The following TBC1D4 variants were observed in gnomAD, a reference collection of about 807,000 sequenced individuals.
The protein encoded by TBC1D4 is TBC1 domain family member 4.
Under a neutral mutation model 142.5 loss-of-function variants are expected in TBC1D4, and 121 were observed. The observed-to-expected ratio is 0.85, with a 90% CI of 0.73 to 0.99. TBC1D4 has a LOEUF of 0.99. Among genes scored for constraint, TBC1D4 ranks in the 50% least tolerant of loss-of-function variants. The pLI is 0.00. For missense variants in TBC1D4, 1,475 were observed against 1,606.6 expected, an observed-to-expected ratio of 0.92 and a Z score of 1.40; for synonymous variants, 630 against 628.2, an observed-to-expected ratio of 1.00 and a Z score of -0.04.
At position 75,400,080 on chromosome 13, in the gene TBC1D4, C is replaced by T. The variant is rs564886224; in HGVS notation, c.499-37473G>A. ...TGTGGAGTACAGATGAGCCATCCATCAAGCCCTGCCCAAATTGCAAAATAG... is the reference window on the plus strand; with the variant it reads ...TGTGGAGTACAGATGAGCCATCCATTAAGCCCTGCCCAAATTGCAAAATAG... On this transcript the variant is annotated intron_variant, in intron 1 of 20. Coordinates refer to ENST00000377636, the MANE Select transcript of TBC1D4 (RefSeq NM_014832.5). Among the ~76,000 whole-genome samples the T allele has an allele frequency of 8.5e-5, 13 of 152,342 alleles. No individual in the cohort carries two copies. The South Asian group carries it at 2.5e-3, about 29-fold the overall frequency.
Position 75,347,878 on chromosome 13 carries a change from G to A in TBC1D4, c.1408+1292C>T, listed in dbSNP as rs147247072. Among the ~76,000 whole-genome samples the A allele has an allele frequency of 4.3e-3, 661 of 152,326 alleles. 6 individuals carry two copies. Among genetic ancestry groups the A allele is most frequent in the African/African-American group, 0.015 (633 of 41,582 alleles). ...TGGCTGGGCACAGTGGCTCATGCCT[G>A]TAATCTCAGCACTTTGGGAGGCCAG... is the stretch of plus-strand genomic sequence containing the variant. On this transcript the variant is annotated intron_variant, in intron 5 of 20. Transcript: ENST00000377636.
intron 8 of TBC1D4, among the ~76,000 whole-genome samples, chr13:75,332,857 A>G (rs551861816): frequency 3.3e-5 from 5 of 152,366 alleles, no homozygotes; most frequent in South Asian, 2.1e-4. Flanking sequence ...ATTTTGAGCC[A>G]TAACAAAGAA....
chr13:75,371,924 TA>T (rs1883245082), intron 1 of TBC1D4, among the ~76,000 whole-genome samples: 1 of 152,228 alleles, frequency 6.6e-6, no homozygotes, highest in South Asian at 2.1e-4. Context: ...ACTTTGATTT[TA>T]AAATATTTGT....
intron 1 of TBC1D4, among the ~76,000 whole-genome samples, chr13:75,401,053 A>G (rs936558883): frequency 2.8e-4 from 42 of 152,196 alleles, no homozygotes; most frequent in African/African-American, 9.9e-4. Context: ...ACATAATATT[A>G]GTGTTAGACC....
chr13:75,438,802 C>T (rs535063331), intron 1 of TBC1D4, among the ~76,000 whole-genome samples: 1 of 152,130 alleles, frequency 6.6e-6, no homozygotes, highest in East Asian at 1.9e-4. Context: ...CCAACAGATA[C>T]GTATCTATGT....
Position 75,359,824 on chromosome 13 carries a change from T to C in TBC1D4, c.1115A>G (p.Asp372Gly). 6.2e-7 allele frequency: 1 copy of C among 1,613,712 alleles called. No individual in the cohort carries two copies. Among genetic ancestry groups the C allele is most frequent in the Non-Finnish European group, 8.5e-7 (1 of 1,179,782 alleles). Residue 372 changes from aspartate to glycine, a missense_variant, in exon 3 of 21, where the codon GAC (aspartate) becomes GGC (glycine). This residue lies in a region of TBC1D4 where 1,227 missense variants were observed against 1,267.7 expected (regional missense o/e 0.97). Coordinates refer to ENST00000377636, the MANE Select transcript of TBC1D4 (RefSeq NM_014832.5). ...GRFEINLISPDTKSVVLEKNF... is the reference protein window; with the variant it reads ...GRFEINLISPGTKSVVLEKNF... ...CTTTTCTAGCACAACTGATTTAGTG[T>C]CTGGACTGATAAGGTTAATCTCAAA...
rs1054377240 is a variant in TBC1D4, at chr13:75,289,013, T to A, written c.3584A>T (p.Asp1195Val). 10 of 1,613,816 alleles carry A rather than the reference T, an allele frequency of 6.2e-6. No individual in the cohort carries two copies. The highest frequency in any genetic ancestry group is 2.7e-5 in the African/African-American group (2 of 74,882). The change falls in exon 20 of 21, where the codon GAT (aspartate) becomes GTT (valine). Residue 1195 changes from aspartate to valine, a missense_variant. This residue lies in a region of TBC1D4 where 248 missense variants were observed against 338.9 expected (regional missense o/e 0.73). Transcript: ENST00000377636. ...ELQESSYSCEDSETLEKLERA... is the reference protein window; with the variant it reads ...ELQESSYSCEVSETLEKLERA... ...CTCCAGCTTCTCCAAAGTTTCACTA[T>A]CCTCACAGGAATATGAAGATTCCTG...
At chr13:75,371,395 G>C (rs1228113159) in intron 1 of TBC1D4, among the ~76,000 whole-genome samples, 1 of 152,194 alleles carries the variant, frequency 6.6e-6, no homozygotes, top group Non-Finnish European at 1.5e-5. Flanking sequence ...GCCCAAGGAA[G>C]AGGTTGAACT....
At chr13:75,399,885 GA>G (rs1884995814) in intron 1 of TBC1D4, among the ~76,000 whole-genome samples, 2 of 152,100 alleles carry the variant, frequency 1.3e-5, no homozygotes, top group Non-Finnish European at 2.9e-5. Context: ...CACCATGCAG[GA>G]AGTCAGACTA....
intron 1 of TBC1D4, among the ~76,000 whole-genome samples, chr13:75,379,046 G>C (rs1398254827): frequency 6.6e-6 from 1 of 151,854 alleles, no homozygotes; most frequent in Non-Finnish European, 1.5e-5. Context: ...ACTAATTTAG[G>C]TGTTGAGCAA....
At chr13:75,310,689 C>T (rs1420727187) in intron 13 of TBC1D4, among the ~76,000 whole-genome samples, 1 of 152,034 alleles carries the variant, frequency 6.6e-6, no homozygotes, top group Non-Finnish European at 1.5e-5. Context: ...TGCAGGTTTG[C>T]TACATGGGTA....
chr13:75,306,964 C>T (rs574134502), intron 14 of TBC1D4, among the ~76,000 whole-genome samples: 77 of 152,176 alleles, frequency 5.1e-4, no homozygotes, highest in African/African-American at 1.6e-3. Flanking sequence ...TTTTCTCTTT[C>T]GTTTGTTTTT....
intron 1 of TBC1D4, among the ~76,000 whole-genome samples, chr13:75,431,638 AAAGT>A (rs1302637627): frequency 6.6e-6 from 1 of 152,190 alleles, no homozygotes; most frequent in Non-Finnish European, 1.5e-5. Context: ...GTAATGATGA[AAAGT>A]AATAAAAAGA....
chr13:75,331,944 G>A (rs1879782383), intron 8 of TBC1D4, among the ~76,000 whole-genome samples: 1 of 151,880 alleles, frequency 6.6e-6, no homozygotes. Context: ...CCCAAAAAGT[G>A]CAATCTGTTG....
At chr13:75,479,717 T>C (rs2138359164) in intron 1 of TBC1D4, among the ~76,000 whole-genome samples, 1 of 152,268 alleles carries the variant, frequency 6.6e-6, no homozygotes, top group South Asian at 2.1e-4. Flanking sequence ...TAAAATGTAA[T>C]AGCTTTCAGA....
At chr13:75,455,923 T>G (rs190574317) in intron 1 of TBC1D4, among the ~76,000 whole-genome samples, 176 of 152,132 alleles carry the variant, frequency 1.2e-3, no homozygotes, top group African/African-American at 3.9e-3. Flanking sequence ...ACTGCCTAAC[T>G]CAAGAAGCAA....
chr13:75,288,737 T>C (rs1199599822), intron 20 of TBC1D4, among the ~76,000 whole-genome samples, 197 bp downstream of exon 20: 1 of 152,148 alleles, frequency 6.6e-6, no homozygotes, highest in Non-Finnish European at 1.5e-5. Flanking sequence ...TTAGCTATTT[T>C]GTGAGGGTGC....
In TBC1D4 at chr13:75,306,302, A is replaced by G. The variant is rs1368018006; in HGVS notation, c.2752+11T>C. ...TTAAAAAACAAAAATTACTGAGATT[A>G]TCCCAAATACCTTCTTTAAGAAGAG... On this transcript the variant is annotated intron_variant, in intron 15 of 20. Transcript: ENST00000377636. 1.2e-6 allele frequency: 2 copies of G among 1,601,982 alleles called. No homozygotes were observed. The highest frequency in any genetic ancestry group is 1.7e-6 in the Non-Finnish European group (2 of 1,176,498).
intron 14 of TBC1D4, among the ~76,000 whole-genome samples, chr13:75,307,622 C>CA (rs2137917118): frequency 6.6e-6 from 1 of 152,198 alleles, no homozygotes; most frequent in African/African-American, 2.4e-5. Context: ...CTCGACAGCA[C>CA]AAAAACAACA....
Sources: gnomAD v4.1 joint callset for allele counts (sites outside exome capture counted in the v4.1 genomes callset) on GRCh38, gnomAD v4.1.1 for gene constraint, gnomAD v4.1.1 regional missense constraint, MANE v1.5 for transcripts, NCBI Gene and HGNC (gene_info 2026-07-23, HGNC 2026-07-21) for gene names.